GPR158: variants seen among roughly 807,000 people sequenced by gnomAD.
The protein encoded by GPR158 is G protein-coupled receptor 158.
GPR158 carries 30 observed loss-of-function variants against 78.2 expected under a neutral mutation model. The observed-to-expected ratio is 0.38, with a 90% CI of 0.29 to 0.52. The LOEUF is 0.52. Among genes scored for constraint, GPR158 ranks in the 20% least tolerant of loss-of-function variants. The pLI is 0.83. For missense variants in GPR158, 1,463 were observed against 1,523.5 expected (o/e 0.96, Z 0.66); for synonymous variants, 581 against 591.1 (o/e 0.98, Z 0.25).
At chr10:25,285,070 G>GTGTT (rs1368313931) in intron 2 of GPR158, among the ~76,000 whole-genome samples, 2 of 151,228 alleles carry the variant, frequency 1.3e-5, no homozygotes, top group Admixed American at 6.6e-5. Context: ...TATTCATTGT[G>GTGTT]TGTGTGTGTG....
rs555306951 is a variant in GPR158 at position 25,361,834 on chromosome 10, A to G, written c.1009-34077A>G. Among the ~76,000 whole-genome samples the G allele has an allele frequency of 2.0e-5, 3 of 151,888 alleles. No individual in the cohort carries two copies. The South Asian group carries it at 6.2e-4, about 31-fold the overall frequency. ...GTTATAGGACTTCTTTATATATTGT[A>G]TAATTGTAGGACTTCTTTATGTATT... On this transcript the variant is annotated intron_variant, in intron 2 of 10. Transcript: ENST00000376351.
At chr10:25,431,660 C>T (rs1834908330) in intron 4 of GPR158, among the ~76,000 whole-genome samples, 1 of 148,258 alleles carries the variant, frequency 6.7e-6, no homozygotes, top group South Asian at 2.2e-4. Context: ...ACATATACAC[C>T]ATGGAATACT....
intron 2 of GPR158, among the ~76,000 whole-genome samples, chr10:25,354,527 G>A (rs768135159): frequency 3.2e-4 from 49 of 152,058 alleles, no homozygotes; most frequent in Non-Finnish European, 3.2e-4. Flanking sequence ...ATAGGTTGCT[G>A]TAGGTATTAT....
chr10:25,510,443 G>A (rs1274721685), intron 5 of GPR158, among the ~76,000 whole-genome samples: 1 of 152,152 alleles, frequency 6.6e-6, no homozygotes, highest in East Asian at 1.9e-4. Context: ...ACGTAAATGA[G>A]TACAAAGGTG....
Position 25,505,755 on chromosome 10 carries a change from C to T in GPR158, c.1404+39036C>T, listed in dbSNP as rs566931789. Among the ~76,000 whole-genome samples, 7 of 152,290 alleles carry T rather than the reference C, an allele frequency of 4.6e-5. No individual in the cohort carries two copies. In the South Asian group the frequency reaches 1.4e-3, roughly 32 times the overall value. ...CTTCTTCACAATCACAAAACTACCC[C>T]ACGCCTTCATGCTCTTGTATGTGCC... On this transcript the variant is annotated intron_variant, in intron 5 of 10. Transcript: ENST00000376351.
chr10:25,407,935 A>C (rs1003024074), intron 3 of GPR158, among the ~76,000 whole-genome samples: 1 of 152,158 alleles, frequency 6.6e-6, no homozygotes, highest in Non-Finnish European at 1.5e-5. Flanking sequence ...CCCTAACCCT[A>C]ATCCTGCAAA....
rs1351756847 is a variant in GPR158 at position 25,457,003 on chromosome 10, C to T, written c.1336-9648C>T. Among the ~76,000 whole-genome samples the T allele has an allele frequency of 9.9e-5, 15 of 152,024 alleles. No individual in the cohort carries two copies. In the South Asian group the frequency reaches 2.3e-3, roughly 23 times the overall value. On this transcript the variant is annotated intron_variant, in intron 4 of 10. Coordinates refer to ENST00000376351, the MANE Select transcript of GPR158 (RefSeq NM_020752.3). Reference sequence around the variant, plus strand: ...GCTTTGTGTGTGTGTGTTGGAGTCTCGCCCTGTCACCTAGGCTGGAGTGCA... The same window carrying T: ...GCTTTGTGTGTGTGTGTTGGAGTCTTGCCCTGTCACCTAGGCTGGAGTGCA...
intron 6 of GPR158, 25 bp downstream of exon 6, chr10:25,551,110 T>C (rs1205470082): frequency 7.9e-7 from 1 of 1,259,088 alleles, no homozygotes; most frequent in Middle Eastern, 1.8e-4. Context: ...TTCATCGTCA[T>C]TCTCATGGAA....
chr10:25,413,776 G>A (rs1834625012), intron 4 of GPR158, among the ~76,000 whole-genome samples: 1 of 152,164 alleles, frequency 6.6e-6, no homozygotes, highest in Non-Finnish European at 1.5e-5. Flanking sequence ...GACTTTGATA[G>A]TCATTTAAAA....
At chr10:25,542,956 C>T (rs1836608105) in intron 5 of GPR158, among the ~76,000 whole-genome samples, 1 of 151,934 alleles carries the variant, frequency 6.6e-6, no homozygotes, top group Admixed American at 6.6e-5. Context: ...ATCAAGCAGA[C>T]TTCAAAACAT....
At chr10:25,313,480 C>G (rs1307678845) in intron 2 of GPR158, among the ~76,000 whole-genome samples, 1 of 148,218 alleles carries the variant, frequency 6.7e-6, no homozygotes, top group African/African-American at 2.6e-5. Flanking sequence ...GAGAAATAAA[C>G]TAGAATCAAT....
intron 5 of GPR158, among the ~76,000 whole-genome samples, chr10:25,500,735 G>C (rs1157276144): frequency 6.6e-6 from 1 of 152,228 alleles, no homozygotes; most frequent in African/African-American, 2.4e-5. Context: ...GAGAGGTATA[G>C]ACAGCGTGAA....
intron 4 of GPR158, among the ~76,000 whole-genome samples, chr10:25,424,622 A>G (rs1409332240): frequency 6.6e-6 from 1 of 151,584 alleles, no homozygotes; most frequent in African/African-American, 2.4e-5. Flanking sequence ...TTTTCCCAGC[A>G]CCTTTTATTA....
chr10:25,474,506 C>T (rs1835553932), intron 5 of GPR158, among the ~76,000 whole-genome samples: 1 of 152,094 alleles, frequency 6.6e-6, no homozygotes, highest in Non-Finnish European at 1.5e-5. Flanking sequence ...GAAATGCTTT[C>T]CTCGACCCCT....
chr10:25,488,320 T>C (rs1461062959), intron 5 of GPR158, among the ~76,000 whole-genome samples: 2 of 152,138 alleles, frequency 1.3e-5, no homozygotes, highest in Non-Finnish European at 2.9e-5. Context: ...GGCCAGGAAA[T>C]AGTCATTTAC....
At position 25,597,953 on chromosome 10, in the gene GPR158, G is replaced by A. The variant is rs1837432010; in HGVS notation, c.2327G>A (p.Gly776Asp). 2 of 1,613,856 alleles carry A rather than the reference G, an allele frequency of 1.2e-6. No homozygotes were observed. Among genetic ancestry groups the A allele is most frequent in the Admixed American group, 1.7e-5 (1 of 59,980 alleles). ...CAGTGCTCTAAAGAGGACAAGGAGG[G>A]CGCCGACCATGGCACAGCCAAAGGC... ...SRQCSKEDKE[G>D]ADHGTAKGTA... The change falls in exon 11 of 11, where the codon GGC (glycine) becomes GAC (aspartate). Residue 776 changes from glycine (G) to aspartate (D), a missense_variant. Gly to Asp is a moderately conservative substitution (Grantham distance 94, BLOSUM62 -1). Transcript: ENST00000376351.
chr10:25,292,048 C>A (rs1463765577), intron 2 of GPR158, among the ~76,000 whole-genome samples: 4 of 151,970 alleles, frequency 2.6e-5, no homozygotes, highest in South Asian at 4.1e-4. Flanking sequence ...CCATAGGAAT[C>A]ACTCCAACAA....
At chr10:25,185,797 T>G (rs2130634151) in intron 1 of GPR158, among the ~76,000 whole-genome samples, 1 of 151,896 alleles carries the variant, frequency 6.6e-6, no homozygotes, top group Admixed American at 6.6e-5. Flanking sequence ...CACTTCAGCC[T>G]GGGCGACAGA....
chr10:25,471,328 T>C (rs887517424), intron 5 of GPR158, among the ~76,000 whole-genome samples: 13 of 152,224 alleles, frequency 8.5e-5, no homozygotes, highest in African/African-American at 1.2e-4. Context: ...ATGGTGTATA[T>C]GTGCCACATT....
Sources: gnomAD v4.1 joint callset for allele counts (sites outside exome capture counted in the v4.1 genomes callset) on GRCh38, gnomAD v4.1.1 for gene constraint, MANE v1.5 for transcripts, NCBI Gene and HGNC (gene_info 2026-07-23, HGNC 2026-07-21) for gene names.